The following ZNF274 variants were observed in gnomAD, a reference collection of about 807,000 sequenced individuals.
The protein encoded by ZNF274 is neurotrophin receptor-interacting factor homolog.
Under a neutral mutation model 42.5 loss-of-function variants are expected in ZNF274, and 23 were observed. That is an observed-to-expected ratio of 0.54 (90% CI 0.39 to 0.77). The LOEUF is 0.77. Among genes scored for constraint, ZNF274 ranks in the 30% least tolerant of loss-of-function variants. The pLI is 0.00. For missense variants in ZNF274, 679 were observed against 806.5 expected, an observed-to-expected ratio of 0.84 and a Z score of 1.91; for synonymous variants, 292 against 305.4, an observed-to-expected ratio of 0.96 and a Z score of 0.46.
intron 4 of ZNF274, among the ~76,000 whole-genome samples, chr19:58,200,258 C>T (rs530930216): frequency 6.6e-6 from 1 of 152,312 alleles, no homozygotes; most frequent in South Asian, 2.1e-4. Flanking sequence ...CCATTCAGTA[C>T]CTCAATTGCA....
chr19:58,206,550 A>G (rs1390847179), intron 4 of ZNF274, among the ~76,000 whole-genome samples, 170 bp from the exon 5 acceptor site: 1 of 152,180 alleles, frequency 6.6e-6, no homozygotes, highest in African/African-American at 2.4e-5. Context: ...TGAGCATTCT[A>G]GTTTTTCCAC....
Position 58,207,186 on chromosome 19 carries a change from G to C in ZNF274, c.723G>C (p.Trp241Cys). The C allele has an allele frequency of 6.2e-7, 1 of 1,611,380 alleles. No individual in the cohort carries two copies. The highest frequency in any genetic ancestry group is 8.5e-7 in the Non-Finnish European group (1 of 1,178,398). The change falls in exon 5 of 8, where the codon TGG (tryptophan) becomes TGC (cysteine). Residue 241 changes from tryptophan to cysteine, a missense_variant. By Grantham distance (215) the Trp-to-Cys change is radical. Coordinates refer to ENST00000617501, the MANE Select transcript of ZNF274 (RefSeq NM_133502.3). The surrounding 1 kb of genome is among the most constrained non-coding windows in gnomAD (Gnocchi z 5.6). ...TGGCCCTGGTAGAGGGTGTGACCTG[G>C]ATGTCTGAGGAGGAAGGTAAGTAGA... Reference protein sequence around the residue: ...EVVALVEGVTWMSEEEVLPAG... With the variant: ...EVVALVEGVTCMSEEEVLPAG...
intron 4 of ZNF274, among the ~76,000 whole-genome samples, chr19:58,195,229 A>G (rs1258197449): frequency 3.1e-5 from 4 of 129,642 alleles, no homozygotes; most frequent in East Asian, 2.4e-4. Flanking sequence ...ATGTGTGTGT[A>G]TATATGTGTG....
At chr19:58,189,944 G>A (rs1318624995) in intron 4 of ZNF274, among the ~76,000 whole-genome samples, 1 of 151,776 alleles carries the variant, frequency 6.6e-6, no homozygotes, top group Non-Finnish European at 1.5e-5. Flanking sequence ...CCAACATGGT[G>A]AAACCCTGTC....
At chr19:58,209,710 A>G in intron 5 of ZNF274, 1 of 357,358 alleles carries the variant, frequency 2.8e-6, no homozygotes, top group Non-Finnish European at 5.2e-6. Flanking sequence ...CCAGAGTCTC[A>G]GCAGTGAGGA....
intron 2 of ZNF274, 37 bp from the exon 3 acceptor site, chr19:58,185,675 G>C (rs770594950): frequency 8.6e-6 from 12 of 1,397,890 alleles, no homozygotes; most frequent in African/African-American, 3.0e-5. Context: ...TCGTGGATGC[G>C]GATGGCCTGT....
chr19:58,199,080 A>G (rs1361414021), intron 4 of ZNF274, among the ~76,000 whole-genome samples: 1 of 151,876 alleles, frequency 6.6e-6, no homozygotes, highest in East Asian at 1.9e-4. Flanking sequence ...AAATGATACT[A>G]TTTGGCTGGG....
Position 58,187,045 on chromosome 19 carries a change from G to A in ZNF274, c.256+3G>A, listed in dbSNP as rs953224014. On this transcript the variant is annotated splice_donor_region_variant and intron_variant, in intron 4 of 7. Transcript: ENST00000617501. ...AATTCCTCAAGACACCATTCCAGGT[G>A]AGAACCAGACATGGGAAGCCCCCAC... The A allele has an allele frequency of 1.9e-6, 3 of 1,609,926 alleles. No homozygotes were observed. In the African/African-American group the frequency reaches 4.0e-5, roughly 21 times the overall value.
chr19:58,204,880 C>G (rs1416104572), intron 4 of ZNF274, among the ~76,000 whole-genome samples: 3 of 152,108 alleles, frequency 2.0e-5, no homozygotes, highest in African/African-American at 7.2e-5. Context: ...GCCACGGTCC[C>G]TTGTGTTCTG....
intron 4 of ZNF274, among the ~76,000 whole-genome samples, chr19:58,188,694 G>GTATGTATATATATATA (rs1555816898): frequency 1.1e-4 from 8 of 74,652 alleles, no homozygotes; most frequent in African/African-American, 4.3e-4. Context: ...ATATGTATAT[G>GTATGTATATATATATA]TATATATATA....
intron 4 of ZNF274, among the ~76,000 whole-genome samples, chr19:58,187,901 T>A (rs1197258353): frequency 1.3e-5 from 2 of 152,108 alleles, no homozygotes; most frequent in African/African-American, 4.8e-5. Context: ...AGTTTTTGTA[T>A]TTTTAGTAAC....
chr19:58,210,113 C>G (rs1429603711), intron 6 of ZNF274, 40 bp downstream of exon 6: 4 of 1,542,440 alleles, frequency 2.6e-6, no homozygotes, highest in Non-Finnish European at 2.7e-6. Flanking sequence ...CACAGCATCT[C>G]CTGTGAGGCA....
At chr19:58,203,934 C>T (rs2075948311) in intron 4 of ZNF274, among the ~76,000 whole-genome samples, 1 of 152,238 alleles carries the variant, frequency 6.6e-6, no homozygotes, top group East Asian at 1.9e-4. Context: ...GAAGGACGGC[C>T]TGGGCTGCGA....
At chr19:58,187,752 A>C (rs1389644635) in intron 4 of ZNF274, among the ~76,000 whole-genome samples, 3 of 143,108 alleles carry the variant, frequency 2.1e-5, no homozygotes, top group Non-Finnish European at 3.0e-5. Flanking sequence ...TTGAGATGGA[A>C]TCTCACTCTG....
intron 1 of ZNF274, 31 bp from the exon 2 acceptor site, chr19:58,183,890 C>T: frequency 8.0e-6 from 12 of 1,493,324 alleles, no homozygotes; most frequent in Non-Finnish European, 1.1e-5. Context: ...CCTTAAGCCT[C>T]TCCCTCCCCT....
In ZNF274 at chr19:58,211,346, A is replaced by C. The variant is rs1261818698; in HGVS notation, c.853-214A>C. The stretch of plus-strand genomic sequence containing the variant: ...TTGCACTTGGAGCTCTTTATGAAGC[A>C]AGGGCTCTGCCTCCCAGCCTGAGAC... On this transcript the variant is annotated intron_variant, in intron 6 of 7. Transcript: ENST00000617501. This position sits in a 1 kb window ranked among gnomAD's most constrained non-coding sequence, Gnocchi z 4.8. The C allele has an allele frequency of 1.0e-5, 5 of 482,578 alleles. No homozygotes were observed. Among genetic ancestry groups the C allele is most frequent in the Non-Finnish European group, 1.4e-5 (4 of 278,340 alleles). The allele number at this position is 482,578 out of a possible 1,614,324, so 29.9% of individuals were successfully genotyped here.
At chr19:58,189,696 T>C (rs1443432980) in intron 4 of ZNF274, among the ~76,000 whole-genome samples, 8 of 152,226 alleles carry the variant, frequency 5.3e-5, no homozygotes, top group African/African-American at 1.9e-4. Context: ...TCAGTGTTCA[T>C]TGAGAAAATC....
chr19:58,185,682 C>T (rs1205837551), intron 2 of ZNF274, 30 bp from the exon 3 acceptor site: 2 of 1,421,966 alleles, frequency 1.4e-6, no homozygotes, highest in Non-Finnish European at 1.9e-6. Flanking sequence ...TGCGGATGGC[C>T]TGTGGCTGAA....
chr19:58,195,448 G>T (rs933522615), intron 4 of ZNF274, among the ~76,000 whole-genome samples: 2 of 152,164 alleles, frequency 1.3e-5, no homozygotes, highest in African/African-American at 4.8e-5. Context: ...ACATCCGTGT[G>T]GAAGTCATAG....
Sources: gnomAD v4.1 joint callset for allele counts (sites outside exome capture counted in the v4.1 genomes callset) on GRCh38, gnomAD v4.1.1 for gene constraint, Gnocchi (gnomAD v3.1) non-coding constraint, MANE v1.5 for transcripts, NCBI Gene and HGNC (gene_info 2026-07-23, HGNC 2026-07-21) for gene names.